MSRA: variants seen among roughly 807,000 people sequenced by gnomAD.
MSRA encodes the protein mitochondrial peptide methionine sulfoxide reductase.
In MSRA, 54 loss-of-function variants were observed where a neutral mutation model predicts 31.3. The observed-to-expected ratio is 1.73, with a 90% confidence interval of 1.39 to 2.17. The LOEUF (loss-of-function observed/expected upper bound fraction) is 2.17, where lower values mean the gene tolerates loss of function less well. Ranked by LOEUF, MSRA falls within the 30% of genes most tolerant of loss-of-function variation. MSRA has a pLI of 0.00. For synonymous variants in MSRA, 169 were observed against 116.5 expected (o/e 1.45, Z -2.90); for missense variants, 507 against 300.9 (o/e 1.69, Z -5.07).
chr8:10,235,955 TAAGATTTACTGAA>T (rs1811899339), intron 2 of MSRA, among the ~76,000 whole-genome samples: 1 of 152,152 alleles, frequency 6.6e-6, no homozygotes. Context: ...TATGAGTAGG[TAAGATTTACTGAA>T]AGATGATTTA....
chr8:10,214,087 G>A (rs1024518252), intron 2 of MSRA, among the ~76,000 whole-genome samples: 3 of 152,188 alleles, frequency 2.0e-5, no homozygotes, highest in African/African-American at 7.2e-5. Flanking sequence ...TTCCGGGTCA[G>A]ATTCTCTGAA....
intron 1 of MSRA, among the ~76,000 whole-genome samples, chr8:10,189,408 C>G (rs1028207035): frequency 6.6e-6 from 1 of 152,074 alleles, no homozygotes; most frequent in Non-Finnish European, 1.5e-5. Flanking sequence ...TGAGTGTAAA[C>G]CCTAGCTTCA....
intron 3 of MSRA, among the ~76,000 whole-genome samples, chr8:10,298,233 C>T (rs1437019781): frequency 2.0e-5 from 3 of 152,118 alleles, no homozygotes; most frequent in African/African-American, 4.8e-5. Flanking sequence ...CCCACATGTT[C>T]GTTGATGGAT....
chr8:10,317,099 A>G (rs1801768653), intron 4 of MSRA, among the ~76,000 whole-genome samples: 2 of 152,164 alleles, frequency 1.3e-5, no homozygotes, highest in African/African-American at 2.4e-5. Context: ...TCTGTTTTCA[A>G]CCAACATGGA....
chr8:10,090,113 G>C (rs1336383260), intron 1 of MSRA, among the ~76,000 whole-genome samples: 1 of 152,208 alleles, frequency 6.6e-6, no homozygotes, highest in African/African-American at 2.4e-5. Context: ...TGCACATGGA[G>C]AGCAAAATGA....
intron 1 of MSRA, among the ~76,000 whole-genome samples, chr8:10,118,014 G>A (rs1214710205): frequency 2.6e-5 from 4 of 152,182 alleles, no homozygotes; most frequent in African/African-American, 7.2e-5. Context: ...TCATCAGTCA[G>A]GAAAGATACA....
rs184405866 is a variant in MSRA, at chr8:10,271,962, C to T, written c.331+26739C>T. On this transcript the variant is annotated intron_variant, in intron 3 of 5. Coordinates refer to ENST00000317173, the MANE Select transcript of MSRA (RefSeq NM_012331.5). Reference sequence around the variant, plus strand: ...ACCTAAGGTGACCCGCACACCTCGACCTCCCAAAGTGCTGGGATTACAGGC... The same window carrying T: ...ACCTAAGGTGACCCGCACACCTCGATCTCCCAAAGTGCTGGGATTACAGGC... 1.1e-3 allele frequency among the ~76,000 whole-genome samples: 160 copies of T among 152,304 alleles called. 5 individuals are homozygous for T. Among genetic ancestry groups the T allele is most frequent in the Non-Finnish European group, 4.3e-4 (29 of 68,032 alleles).
At chr8:10,401,285 C>T (rs1441055054) in intron 5 of MSRA, among the ~76,000 whole-genome samples, 2 of 152,160 alleles carry the variant, frequency 1.3e-5, no homozygotes, top group East Asian at 1.9e-4. Flanking sequence ...AATGCAAATG[C>T]TTAATAAGCA....
intron 1 of MSRA, among the ~76,000 whole-genome samples, chr8:10,175,167 C>A (rs2088141456): frequency 1.3e-5 from 2 of 152,142 alleles, no homozygotes; most frequent in South Asian, 2.1e-4. Flanking sequence ...TCTTGGAGCA[C>A]CTGGCACTCA....
intron 5 of MSRA, chr8:10,337,837 C>A (rs756153591): frequency 1.4e-6 from 1 of 702,092 alleles, no homozygotes; most frequent in Admixed American, 2.0e-5. Context: ...AGCAAGGTGC[C>A]TTCTTTCTGC....
Position 10,391,298 on chromosome 8 carries a change from C to G in MSRA, c.544-36850C>G, listed in dbSNP as rs1260237003. ...GACCCGGACTCAAGGTCTGCTCTGGCCCCTGACATATTCAATGCTCTTGGC... is the reference window on the plus strand; with the variant it reads ...GACCCGGACTCAAGGTCTGCTCTGGGCCCTGACATATTCAATGCTCTTGGC... On this transcript the variant is annotated intron_variant, in intron 5 of 5. Coordinates refer to ENST00000317173, the MANE Select transcript of MSRA (RefSeq NM_012331.5). 3.9e-5 allele frequency among the ~76,000 whole-genome samples: 6 copies of G among 152,184 alleles called. No homozygotes were observed. In the East Asian group the frequency reaches 1.2e-3, roughly 29 times the overall value.
intron 3 of MSRA, among the ~76,000 whole-genome samples, chr8:10,251,455 A>T (rs1166101433): frequency 6.6e-6 from 1 of 152,186 alleles, no homozygotes; most frequent in African/African-American, 2.4e-5. Context: ...TAAGTTATTG[A>T]CATACTCCTG....
chr8:10,166,902 G>T (rs957919623), intron 1 of MSRA, among the ~76,000 whole-genome samples: 3 of 152,098 alleles, frequency 2.0e-5, no homozygotes, highest in African/African-American at 7.2e-5. Flanking sequence ...ATTAAATCAG[G>T]CCCTCTGCTC....
At chr8:10,234,268 C>G (rs1811750550) in intron 2 of MSRA, among the ~76,000 whole-genome samples, 2 of 151,816 alleles carry the variant, frequency 1.3e-5, no homozygotes, top group South Asian at 4.2e-4. Flanking sequence ...AAAAAATAAC[C>G]CTCTGTGTGT....
intron 2 of MSRA, among the ~76,000 whole-genome samples, chr8:10,225,743 G>T (rs1010509071): frequency 3.3e-5 from 5 of 152,140 alleles, no homozygotes; most frequent in Admixed American, 1.3e-4. Flanking sequence ...CTGGGTACTC[G>T]TTGGATGAGT....
At chr8:10,309,377 C>T (rs764032621) in intron 4 of MSRA, among the ~76,000 whole-genome samples, 2 of 152,220 alleles carry the variant, frequency 1.3e-5, no homozygotes, top group East Asian at 3.9e-4. Context: ...TAATAGCTGT[C>T]GTGCTCATGC....
At chr8:10,283,394 G>A (rs951185886) in intron 3 of MSRA, among the ~76,000 whole-genome samples, 1 of 151,764 alleles carries the variant, frequency 6.6e-6, no homozygotes, top group African/African-American at 2.4e-5. Context: ...GTCCAGTTAG[G>A]GTGAACTATA....
intron 1 of MSRA, among the ~76,000 whole-genome samples, chr8:10,164,418 G>A (rs1423385790): frequency 6.6e-6 from 1 of 152,106 alleles, no homozygotes; most frequent in Non-Finnish European, 1.5e-5. Flanking sequence ...AATGCTGTTC[G>A]GTGCAAAGGA....
intron 2 of MSRA, among the ~76,000 whole-genome samples, chr8:10,237,849 A>C (rs1336949653): frequency 6.6e-6 from 1 of 152,162 alleles, no homozygotes; most frequent in Non-Finnish European, 1.5e-5. Context: ...CTTGGTCTAA[A>C]CCACCATTAT....
Sources: gnomAD v4.1 joint callset for allele counts (sites outside exome capture counted in the v4.1 genomes callset) on GRCh38, gnomAD v4.1.1 for gene constraint, MANE v1.5 for transcripts, NCBI Gene and HGNC (gene_info 2026-07-23, HGNC 2026-07-21) for gene names.